The following CNTNAP2 variants were observed in gnomAD, a reference collection of about 807,000 sequenced individuals.
CNTNAP2 encodes the protein contactin associated protein 2, also known as contactin-associated protein-like 2.
CNTNAP2 carries 98 observed loss-of-function variants against 155.2 expected under a neutral mutation model. That is an observed-to-expected ratio of 0.63 (90% CI 0.54 to 0.75). The LOEUF is 0.75. Among genes scored for constraint, CNTNAP2 ranks in the 30% least tolerant of loss-of-function variants. CNTNAP2 has a pLI of 0.00. For synonymous variants in CNTNAP2, 651 were observed against 631.2 expected (o/e 1.03, Z -0.47); for missense variants, 1,727 against 1,688.1 (o/e 1.02, Z -0.40).
intron 2 of CNTNAP2, among the ~76,000 whole-genome samples, chr7:146,838,222 G>A (rs961411760): frequency 6.6e-6 from 1 of 152,190 alleles, no homozygotes; most frequent in Admixed American, 6.5e-5. Context: ...AAGCCAGGAA[G>A]TTGGCAGGGC....
intron 14 of CNTNAP2, among the ~76,000 whole-genome samples, chr7:147,964,347 T>C (rs974044992): frequency 6.6e-6 from 1 of 152,210 alleles, no homozygotes; most frequent in East Asian, 1.9e-4. Flanking sequence ...AATCCAACAG[T>C]CTCGAAGAAT....
At chr7:146,628,438 G>A (rs773110662) in intron 1 of CNTNAP2, among the ~76,000 whole-genome samples, 1 of 152,004 alleles carries the variant, frequency 6.6e-6, no homozygotes, top group Non-Finnish European at 1.5e-5. Flanking sequence ...TATACACCAT[G>A]GTGACTATAG....
intron 4 of CNTNAP2, among the ~76,000 whole-genome samples, chr7:147,070,396 T>G (rs116100183): frequency 1.6e-3 from 240 of 152,244 alleles, no homozygotes; most frequent in African/African-American, 5.6e-3. Context: ...CCACATATGG[T>G]TAGCTCATTT....
chr7:146,483,656 ATGT>A (rs1797012944), intron 1 of CNTNAP2, among the ~76,000 whole-genome samples: 1 of 151,722 alleles, frequency 6.6e-6, no homozygotes, highest in South Asian at 2.1e-4. Flanking sequence ...AACCAGGTAA[ATGT>A]ATGTCTTATT....
chr7:146,139,247 G>T (rs559733912), intron 1 of CNTNAP2, among the ~76,000 whole-genome samples: 1 of 152,056 alleles, frequency 6.6e-6, no homozygotes, highest in Non-Finnish European at 1.5e-5. Flanking sequence ...AGTTTCTACC[G>T]AATGAGTATT....
At chr7:146,979,661 CA>C (rs368227433) in intron 3 of CNTNAP2, among the ~76,000 whole-genome samples, 2 of 151,930 alleles carry the variant, frequency 1.3e-5, no homozygotes, top group Non-Finnish European at 2.9e-5. Context: ...GCCATAAGTC[CA>C]AAAAAATGTT....
chr7:146,783,303 C>G (rs1231915018), intron 2 of CNTNAP2, among the ~76,000 whole-genome samples: 4 of 152,146 alleles, frequency 2.6e-5, no homozygotes, highest in Non-Finnish European at 5.9e-5. Context: ...CCAATATATT[C>G]TATCTTTTAA....
intron 14 of CNTNAP2, among the ~76,000 whole-genome samples, chr7:147,952,197 C>T (rs7792429): frequency 0.8 from 81,462 of 101,948 alleles, 33,650 homozygotes; most frequent in East Asian, 0.9. Context: ...AATCCCAGCA[C>T]TTTGGGAGGC....
chr7:146,208,761 G>A (rs540358147), intron 1 of CNTNAP2: 20 of 152,198 alleles, frequency 1.3e-4, no homozygotes, highest in East Asian at 5.8e-4. Context: ...CATTATGGTC[G>A]CAGCTTGTCA....
intron 5 of CNTNAP2, 147 bp from the exon 6 acceptor site, chr7:147,120,832 G>A (rs112859389): frequency 3.8e-5 from 28 of 741,108 alleles, no homozygotes; most frequent in Non-Finnish European, 5.1e-5. Flanking sequence ...TTTAAGTGTC[G>A]TTACTTACTG....
chr7:147,394,434 A>G (rs1377560249), intron 9 of CNTNAP2, among the ~76,000 whole-genome samples: 1 of 151,948 alleles, frequency 6.6e-6, no homozygotes, highest in African/African-American at 2.4e-5. Context: ...ATCCCATTTT[A>G]TATAAATTGT....
chr7:146,774,039 T>C (rs1419204373), intron 1 of CNTNAP2, among the ~76,000 whole-genome samples: 1 of 152,196 alleles, frequency 6.6e-6, no homozygotes, highest in Non-Finnish European at 1.5e-5. Flanking sequence ...TGAAGTCCTT[T>C]GGAGTAATGT....
intron 13 of CNTNAP2, among the ~76,000 whole-genome samples, chr7:147,729,414 ACG>A (rs1195454543): frequency 4.1e-5 from 2 of 49,268 alleles, no homozygotes; most frequent in East Asian, 4.6e-4. Flanking sequence ...ATGCACACAC[ACG>A]CACACACACA....
intron 3 of CNTNAP2, among the ~76,000 whole-genome samples, chr7:147,034,248 A>T (rs1331752267): frequency 6.6e-6 from 1 of 152,138 alleles, no homozygotes; most frequent in Non-Finnish European, 1.5e-5. Context: ...AACAATGAGG[A>T]CAACTAGAGG....
intron 3 of CNTNAP2, among the ~76,000 whole-genome samples, chr7:146,955,023 T>A (rs1797403713): frequency 6.6e-6 from 1 of 151,958 alleles, no homozygotes; most frequent in African/African-American, 2.4e-5. Context: ...CTTGTTTGTG[T>A]TTGGAACTGT....
chr7:146,879,648 G>C (rs985788349), intron 3 of CNTNAP2, among the ~76,000 whole-genome samples: 1 of 152,008 alleles, frequency 6.6e-6, no homozygotes, highest in Admixed American at 6.6e-5. Flanking sequence ...AAATGCCTGG[G>C]TCCAGAACCT....
chr7:147,277,137 G>GA (rs1804913362), intron 8 of CNTNAP2, among the ~76,000 whole-genome samples: 1 of 151,984 alleles, frequency 6.6e-6, no homozygotes, highest in Non-Finnish European at 1.5e-5. Flanking sequence ...TCCTGTGAGT[G>GA]AAATATGATA....
At chr7:147,145,730 T>A (rs1584754562) in intron 8 of CNTNAP2, among the ~76,000 whole-genome samples, 1 of 152,230 alleles carries the variant, frequency 6.6e-6, no homozygotes, top group African/African-American at 2.4e-5. Context: ...TTTCCCAACA[T>A]ACATATTTAG....
chr7:146,593,815 A>G (rs1231015751), intron 1 of CNTNAP2, among the ~76,000 whole-genome samples: 2 of 152,134 alleles, frequency 1.3e-5, no homozygotes, highest in Non-Finnish European at 2.9e-5. Context: ...CTCTTTTTCA[A>G]CTAGGCCTGA....
Sources: gnomAD v4.1 joint callset for allele counts (sites outside exome capture counted in the v4.1 genomes callset) on GRCh38, gnomAD v4.1.1 for gene constraint, MANE v1.5 for transcripts, NCBI Gene and HGNC (gene_info 2026-07-23, HGNC 2026-07-21) for gene names.